Variants in PTGER4 observed in about 807,000 individuals in gnomAD.
PTGER4 encodes prostaglandin E2 receptor EP4 subtype.
A neutral mutation model predicts 33.2 loss-of-function variants in PTGER4; 11 were observed. The ratio of observed to expected loss-of-function variants is 0.33; its 90% CI spans 0.21 to 0.55. The LOEUF (loss-of-function observed/expected upper bound fraction) is 0.55, where lower values mean the gene tolerates loss of function less well. Among genes scored for constraint, PTGER4 ranks in the 20% least tolerant of loss-of-function variants. The probability of loss-of-function intolerance (pLI) is 0.92; values close to 1 mark genes in which losing one functional copy is unlikely to be tolerated. For missense variants in PTGER4, 481 were observed against 650.2 expected (o/e 0.74, Z 2.83); for synonymous variants, 275 against 281.5 (o/e 0.98, Z 0.23).
the PTGER4 span, among the ~76,000 whole-genome samples, chr5:40,702,801 T>C: frequency 1.3e-5 from 2 of 152,150 alleles, no homozygotes; most frequent in Non-Finnish European, 2.9e-5. Flanking sequence ...AGAACCAAAG[T>C]CATACCAAAC....
chr5:40,712,479 G>A, the PTGER4 span, among the ~76,000 whole-genome samples: 3 of 152,108 alleles, frequency 2.0e-5, no homozygotes, highest in Admixed American at 1.3e-4. Flanking sequence ...AAAAGGCTAG[G>A]TTAGAGGATG....
chr5:40,745,259 T>C, the PTGER4 span, among the ~76,000 whole-genome samples: 5 of 152,046 alleles, frequency 3.3e-5, no homozygotes, highest in Admixed American at 6.6e-5. Context: ...GAACTAATAT[T>C]AGATATAAAA....
At chr5:40,714,621 CAT>C in the PTGER4 span, 1 of 152,072 alleles carries the variant, frequency 6.6e-6, no homozygotes, top group Non-Finnish European at 1.5e-5. Flanking sequence ...AAATAATTAA[CAT>C]ATTTTTTGGA....
intron 2 of PTGER4, among the ~76,000 whole-genome samples, chr5:40,682,825 G>A (rs1323142564): frequency 2.0e-5 from 3 of 152,148 alleles, no homozygotes; most frequent in South Asian, 2.1e-4. Flanking sequence ...CGTCTCCCTC[G>A]TAGAACATTT....
the PTGER4 span, among the ~76,000 whole-genome samples, chr5:40,703,129 C>T: frequency 1.3e-5 from 2 of 151,610 alleles, no homozygotes; most frequent in Non-Finnish European, 2.9e-5. Context: ...AAATCAACTG[C>T]AAAGCTAGCA....
chr5:40,729,702 CTTAT>C, the PTGER4 span, among the ~76,000 whole-genome samples: 43 of 152,060 alleles, frequency 2.8e-4, no homozygotes, highest in Non-Finnish European at 1.8e-4. Flanking sequence ...TTTTTATTTA[CTTAT>C]TTATTTTTTT....
At chr5:40,700,822 G>A in the PTGER4 span, among the ~76,000 whole-genome samples, 1 of 152,134 alleles carries the variant, frequency 6.6e-6, no homozygotes, top group African/African-American at 2.4e-5. Context: ...CAACTATGAG[G>A]AACCATAGGG....
At chr5:40,684,416 T>G (rs1251332480) in intron 2 of PTGER4, among the ~76,000 whole-genome samples, 2 of 152,030 alleles carry the variant, frequency 1.3e-5, no homozygotes, top group Non-Finnish European at 2.9e-5. Context: ...ACAAAGCAAA[T>G]GTAGTTTACT....
At chr5:40,735,157 A>T in the PTGER4 span, among the ~76,000 whole-genome samples, 1 of 152,244 alleles carries the variant, frequency 6.6e-6, no homozygotes, top group Non-Finnish European at 1.5e-5. Flanking sequence ...GAATACAATA[A>T]GCCATAGTTA....
chr5:40,697,226 A>AAAAGAAAGAGAAAGAAAG (rs71606587), downstream of PTGER4, among the ~76,000 whole-genome samples: 847 of 112,626 alleles, frequency 7.5e-3, 14 homozygotes, highest in Middle Eastern at 0.017. Context: ...AAGAAAGAAG[A>AAAAGAAAGAGAAAGAAAG]AAAGAAAGAA....
At chr5:40,704,781 C>A in the PTGER4 span, among the ~76,000 whole-genome samples, 1 of 152,158 alleles carries the variant, frequency 6.6e-6, no homozygotes, top group Admixed American at 6.5e-5. Flanking sequence ...TGTGAATGGT[C>A]TCTACAATGA....
the PTGER4 span, among the ~76,000 whole-genome samples, chr5:40,728,963 GTAGGGT>G: frequency 1.3e-5 from 2 of 152,112 alleles, no homozygotes; most frequent in Admixed American, 6.5e-5. Flanking sequence ...TACTAGGAAG[GTAGGGT>G]TAGGGTTAGG....
the PTGER4 span, chr5:40,716,229 A>C: frequency 5.0e-6 from 8 of 1,614,246 alleles, no homozygotes; most frequent in Non-Finnish European, 6.8e-6. Flanking sequence ...CCCCAGAAGC[A>C]GACACAATAA....
chr5:40,730,340 A>G, the PTGER4 span: 14 of 1,612,646 alleles, frequency 8.7e-6, no homozygotes, highest in Non-Finnish European at 1.0e-5. Context: ...TTGCCTCCCG[A>G]TATCTGTGGT....
At chr5:40,711,327 A>G in the PTGER4 span, among the ~76,000 whole-genome samples, 29 of 152,282 alleles carry the variant, frequency 1.9e-4, 1 homozygote, top group South Asian at 5.8e-3. Flanking sequence ...TAAAACCACA[A>G]TGAAATACTA....
the PTGER4 span, among the ~76,000 whole-genome samples, chr5:40,729,168 A>C: frequency 1.3e-5 from 2 of 152,220 alleles, no homozygotes; most frequent in African/African-American, 4.8e-5. Context: ...CCTGTCATTC[A>C]TATATACATA....
At chr5:40,696,680 GAGA>G, downstream of PTGER4, 2 of 985,142 alleles carry the variant, frequency 2.0e-6, no homozygotes, top group Non-Finnish European at 2.4e-6. Flanking sequence ...CACCATGGAA[GAGA>G]AGGACAGAAG....
chr5:40,733,487 C>G, the PTGER4 span, among the ~76,000 whole-genome samples: 1 of 152,130 alleles, frequency 6.6e-6, no homozygotes, highest in Non-Finnish European at 1.5e-5. Flanking sequence ...TTTGCCAACC[C>G]TAGATCTACT....
chr5:40,728,330 A>G, the PTGER4 span: 3 of 1,503,176 alleles, frequency 2.0e-6, no homozygotes, highest in Non-Finnish European at 2.7e-6. Context: ...CATTATAATA[A>G]TCTGACTTCC....
Sources: gnomAD v4.1 joint callset for allele counts (sites outside exome capture counted in the v4.1 genomes callset) on GRCh38, gnomAD v4.1.1 for gene constraint, MANE v1.5 for transcripts, NCBI Gene and HGNC (gene_info 2026-07-23, HGNC 2026-07-21) for gene names.